The following ADGRL2 variants were observed in gnomAD, a reference collection of about 807,000 sequenced individuals.
The protein encoded by ADGRL2 is adhesion G protein-coupled receptor L2, also known as calcium-independent alpha-latrotoxin receptor 2.
In ADGRL2, 44 loss-of-function variants were observed where a neutral mutation model predicts 157.4. That is an observed-to-expected ratio of 0.28 (90% confidence interval 0.22 to 0.36). The LOEUF (loss-of-function observed/expected upper bound fraction) is 0.36. Ranked by LOEUF, ADGRL2 falls within the 10% of genes least tolerant of loss-of-function variation. ADGRL2 has a pLI of 1.00. For missense variants in ADGRL2, 1,510 were observed against 1,768.9 expected, an observed-to-expected ratio of 0.85 and a Z score of 2.63; for synonymous variants, 585 against 624.7, an observed-to-expected ratio of 0.94 and a Z score of 0.95.
intron 2 of ADGRL2, among the ~76,000 whole-genome samples, chr1:81,523,212 C>G (rs1315656482): frequency 6.6e-6 from 1 of 152,094 alleles, no homozygotes; most frequent in African/African-American, 2.4e-5. Context: ...TTACCTGTAG[C>G]TATTATGTCA....
At chr1:81,580,070 T>G (rs141160919) in intron 2 of ADGRL2, among the ~76,000 whole-genome samples, 1 of 152,158 alleles carries the variant, frequency 6.6e-6, no homozygotes, top group African/African-American at 2.4e-5. Flanking sequence ...CAATTCTACA[T>G]AGTGAATGCC....
intron 1 of ADGRL2, among the ~76,000 whole-genome samples, chr1:81,758,056 T>A (rs1224060494): frequency 6.6e-6 from 1 of 152,220 alleles, no homozygotes; most frequent in African/African-American, 2.4e-5. Flanking sequence ...AATTACTTTA[T>A]ATTTATAACC....
At chr1:81,312,279 G>A (rs550906782) in intron 1 of ADGRL2, among the ~76,000 whole-genome samples, 4 of 152,264 alleles carry the variant, frequency 2.6e-5, no homozygotes, top group Non-Finnish European at 5.9e-5. Flanking sequence ...TTACCCGGGC[G>A]GACGCCATCA....
At chr1:81,565,436 G>A (rs1171735465) in intron 2 of ADGRL2, among the ~76,000 whole-genome samples, 1 of 152,160 alleles carries the variant, frequency 6.6e-6, no homozygotes, top group African/African-American at 2.4e-5. Flanking sequence ...AGCGCTATGA[G>A]TATCCACATT....
chr1:81,442,497 T>C (rs1168562929), intron 1 of ADGRL2, among the ~76,000 whole-genome samples: 1 of 152,240 alleles, frequency 6.6e-6, no homozygotes, highest in African/African-American at 2.4e-5. Context: ...TTTTGAGCAT[T>C]TTCAACCATA....
At chr1:81,755,204 A>G (rs1301215069) in intron 1 of ADGRL2, among the ~76,000 whole-genome samples, 1 of 123,574 alleles carries the variant, frequency 8.1e-6, no homozygotes, top group East Asian at 3.6e-4. Flanking sequence ...ATATATATAA[A>G]TGCATATATG....
chr1:81,892,930 G>A (rs1280608573), intron 2 of ADGRL2, among the ~76,000 whole-genome samples: 1 of 152,084 alleles, frequency 6.6e-6, no homozygotes, highest in Non-Finnish European at 1.5e-5. Flanking sequence ...AAACATTTGA[G>A]TATTTACTTT....
chr1:81,429,336 C>A (rs540492571), intron 1 of ADGRL2, among the ~76,000 whole-genome samples: 2 of 152,236 alleles, frequency 1.3e-5, no homozygotes, highest in Admixed American at 1.3e-4. Flanking sequence ...TGAACATTCT[C>A]ATACACGATT....
At chr1:81,527,188 A>G (rs1270072017) in intron 2 of ADGRL2, among the ~76,000 whole-genome samples, 3 of 152,228 alleles carry the variant, frequency 2.0e-5, no homozygotes, top group African/African-American at 4.8e-5. Context: ...TTTAGGAACC[A>G]CAAAAACAAT....
At chr1:81,746,872 A>G (rs964956492) in intron 1 of ADGRL2, among the ~76,000 whole-genome samples, 1 of 150,692 alleles carries the variant, frequency 6.6e-6, no homozygotes, top group Non-Finnish European at 1.5e-5. Flanking sequence ...ATACACGTAT[A>G]TACACACGTG....
chr1:81,596,037 C>T, intron 3 of ADGRL2: 1 of 305,020 alleles, frequency 3.3e-6, no homozygotes, highest in East Asian at 8.0e-5. Flanking sequence ...GAGGCCTCTA[C>T]CCTCATGACC....
intron 2 of ADGRL2, among the ~76,000 whole-genome samples, chr1:81,454,612 G>C (rs1266815642): frequency 6.6e-6 from 1 of 152,078 alleles, no homozygotes; most frequent in Non-Finnish European, 1.5e-5. Flanking sequence ...TTTCCTCTTG[G>C]AATCAGCCAG....
intron 1 of ADGRL2, among the ~76,000 whole-genome samples, chr1:81,713,983 G>A (rs1341813628): frequency 1.3e-5 from 2 of 152,300 alleles, no homozygotes; most frequent in African/African-American, 4.8e-5. Context: ...GAAGGTGAAG[G>A]AGGAGAAAAA....
At chr1:81,816,778 A>G (rs2090444646) in intron 1 of ADGRL2, among the ~76,000 whole-genome samples, 2 of 151,990 alleles carry the variant, frequency 1.3e-5, no homozygotes, top group Admixed American at 6.6e-5. Context: ...TAACCTACAA[A>G]TGCTCTTTTT....
intron 10 of ADGRL2, among the ~76,000 whole-genome samples, chr1:81,953,779 A>C (rs1457931846): frequency 2.6e-5 from 4 of 152,138 alleles, no homozygotes; most frequent in Non-Finnish European, 4.4e-5. Context: ...TTTTGGGGAG[A>C]TATTACTTTC....
intron 3 of ADGRL2, among the ~76,000 whole-genome samples, chr1:81,933,584 T>C (rs1221085458): frequency 1.3e-5 from 2 of 152,212 alleles, no homozygotes; most frequent in Non-Finnish European, 2.9e-5. Context: ...AAGTAATTGC[T>C]TTCTTTCTGG....
intron 2 of ADGRL2, among the ~76,000 whole-genome samples, chr1:81,541,229 T>G (rs1226674225): frequency 6.6e-6 from 1 of 152,256 alleles, no homozygotes; most frequent in African/African-American, 2.4e-5. Flanking sequence ...ATTATGTCTG[T>G]GTTGTATCCT....
chr1:81,903,760 T>TTATATATACACATTA (rs1290325199), intron 2 of ADGRL2, among the ~76,000 whole-genome samples: 16 of 144,214 alleles, frequency 1.1e-4, no homozygotes, highest in African/African-American at 3.5e-4. Context: ...TATATACACA[T>TTATATATACACATTA]TATATATACA....
chr1:81,745,915 A>G (rs1057123714), intron 1 of ADGRL2, among the ~76,000 whole-genome samples: 1 of 152,202 alleles, frequency 6.6e-6, no homozygotes, highest in African/African-American at 2.4e-5. Context: ...ACTCGAGGCC[A>G]AAAGAATGAG....
Sources: gnomAD v4.1 joint callset for allele counts (sites outside exome capture counted in the v4.1 genomes callset) on GRCh38, gnomAD v4.1.1 for gene constraint, MANE v1.5 for transcripts, NCBI Gene and HGNC (gene_info 2026-07-23, HGNC 2026-07-21) for gene names.